Variants in GLYATL2 observed in about 807,000 individuals in gnomAD.
GLYATL2 encodes glycine N-acyltransferase-like protein 2.
In GLYATL2, 25 loss-of-function variants were observed where a neutral mutation model predicts 21.4. The ratio of observed to expected loss-of-function variants is 1.17; its 90% CI spans 0.85 to 1.63. The LOEUF (loss-of-function observed/expected upper bound fraction) is 1.63, where lower values mean the gene tolerates loss of function less well. GLYATL2 is among the 40% of genes most tolerant of loss of function. GLYATL2 has a pLI of 0.00. For missense variants in GLYATL2, 361 were observed against 343.3 expected, an observed-to-expected ratio of 1.05 and a Z score of -0.41; for synonymous variants, 114 against 118.2, an observed-to-expected ratio of 0.96 and a Z score of 0.23.
intron 1 of GLYATL2, 37 bp downstream of exon 1, chr11:58,844,396 GC>G (rs1410829228): frequency 6.6e-6 from 1 of 152,168 alleles, no homozygotes; most frequent in Non-Finnish European, 1.5e-5. Context: ...TAATTGAACT[GC>G]CAAGATAAAA....
intron 3 of GLYATL2, 63 bp downstream of exon 3, chr11:58,838,198 C>T: frequency 9.4e-7 from 1 of 1,062,206 alleles, no homozygotes; most frequent in Non-Finnish European, 1.4e-6. Flanking sequence ...TCAGTTCCCT[C>T]ATTGCCATGC....
chr11:58,834,901 A>G, intron 5 of GLYATL2, 64 bp from the exon 6 acceptor site: 4 of 1,258,564 alleles, frequency 3.2e-6, no homozygotes, highest in African/African-American at 1.5e-5. Flanking sequence ...ATTTCAAAAA[A>G]TAAATATAAC....
chr11:58,903,848 G>A (rs1024910485), intron 1 of GLYATL2, among the ~76,000 whole-genome samples: 3 of 152,130 alleles, frequency 2.0e-5, no homozygotes, highest in African/African-American at 7.2e-5. Context: ...TCACCCGCAT[G>A]TGTTGAGTGT....
chr11:58,907,359 G>A (rs1854923081), upstream of GLYATL2: 1 of 456,106 alleles, frequency 2.2e-6, no homozygotes. Flanking sequence ...ACACTGGCCT[G>A]GAATCCCTCA....
chr11:58,842,688 T>C (rs1853575502), intron 1 of GLYATL2, among the ~76,000 whole-genome samples: 1 of 152,162 alleles, frequency 6.6e-6, no homozygotes, highest in African/African-American at 2.4e-5. Context: ...CAAAAATTCA[T>C]GAAGTCTATG....
chr11:58,905,759 C>CG, upstream of GLYATL2: 2 of 341,318 alleles, frequency 5.9e-6, no homozygotes, highest in Non-Finnish European at 1.2e-5. Context: ...GGCGGGTGGG[C>CG]GCGCAGTCCC....
rs1403153093 is a variant in GLYATL2, at chr11:58,837,481, A to C, written c.187-84T>G. 4 of 1,269,744 alleles carry C rather than the reference A, an allele frequency of 3.2e-6. No homozygotes were observed. The Admixed American group carries it at 6.0e-5, about 19-fold the overall frequency. The allele number at this position is 1,269,744 out of a possible 1,614,324, so 78.7% of individuals were successfully genotyped here. ...CATAGGTCTAGAGTGCTAGAGATTC[A>C]ATTGTTTGAAATATTCTGTTTTTCT... is the stretch of plus-strand genomic sequence containing the variant. On this transcript the variant is annotated intron_variant, in intron 3 of 5. Coordinates refer to ENST00000287275, the MANE Select transcript of GLYATL2 (RefSeq NM_145016.4).
At chr11:58,837,222 C>A (rs371063171) in intron 4 of GLYATL2, 45 bp from the exon 5 acceptor site, 2 of 1,612,504 alleles carry the variant, frequency 1.2e-6, no homozygotes, top group African/African-American at 1.3e-5. Context: ...CCTTCCATAT[C>A]GGCTAGGAAT....
At chr11:58,903,871 T>G (rs1854788671) in intron 1 of GLYATL2, among the ~76,000 whole-genome samples, 1 of 152,164 alleles carries the variant, frequency 6.6e-6, no homozygotes. Context: ...ACTTCTCTCC[T>G]TATTTTTCAG....
In GLYATL2 at chr11:58,882,303, GT is replaced by G. The variant is rs749871767; in HGVS notation, n.60+21852del. On this transcript the variant is annotated intron_variant and non_coding_transcript_variant, in intron 1 of 4. Coordinates refer to the GLYATL2 transcript ENST00000533636. Reference sequence around the variant, plus strand: ...TGGTGTGAGATGGTATCTCGTTGTGGTTTTGATTAGCATTTCTCTGATGACC... The same window carrying G: ...TGGTGTGAGATGGTATCTCGTTGTGGTTTGATTAGCATTTCTCTGATGACC... Among the ~76,000 whole-genome samples, 516 of 152,288 alleles carry G rather than the reference GT, an allele frequency of 3.4e-3. 2 individuals carry two copies. Among genetic ancestry groups the G allele is most frequent in the Non-Finnish European group, 3.7e-3 (249 of 68,026 alleles).
Position 58,867,956 on chromosome 11 carries a change from C to T in GLYATL2, n.61-29588G>A, listed in dbSNP as rs560215621. ...CTTACCCCACTGCATCCCATAAGCACGGGCTGAGTTTTAGAGACACTCCAG... is the reference window on the plus strand; with the variant it reads ...CTTACCCCACTGCATCCCATAAGCATGGGCTGAGTTTTAGAGACACTCCAG... On this transcript the variant is annotated intron_variant and non_coding_transcript_variant, in intron 1 of 4. Coordinates refer to the GLYATL2 transcript ENST00000533636. Among the ~76,000 whole-genome samples the T allele has an allele frequency of 3.4e-5, 5 of 148,734 alleles. 1 individual carries two copies. The highest frequency in any genetic ancestry group is 7.5e-5 in the Non-Finnish European group (5 of 67,094).
intron 1 of GLYATL2, among the ~76,000 whole-genome samples, chr11:58,898,663 G>A (rs577625603): frequency 1.3e-5 from 2 of 151,314 alleles, no homozygotes; most frequent in South Asian, 4.2e-4. Flanking sequence ...GGGAAACCCC[G>A]CCTCTACTAA....
intron 1 of GLYATL2, among the ~76,000 whole-genome samples, chr11:58,881,661 A>C (rs1590744751): frequency 1.3e-5 from 2 of 152,266 alleles, no homozygotes; most frequent in South Asian, 4.1e-4. Context: ...ATATGTATAC[A>C]TGTGCCATGT....
At chr11:58,848,613 A>G (rs905888821), upstream of GLYATL2, among the ~76,000 whole-genome samples, 6 of 152,216 alleles carry the variant, frequency 3.9e-5, no homozygotes, top group African/African-American at 1.2e-4. Context: ...AGAAAAAAGA[A>G]TTAGTGAGCT....
Position 58,834,445 on chromosome 11 carries a change from G to A in GLYATL2, c.869C>T (p.Pro290Leu), listed in dbSNP as rs182736981. ...PCGWHQWKCT[P>L]KKYC is the part of the protein sequence containing the mutation. ...TGGAATCAATCAACAATATTTCTTG[G>A]GGGTGCATTTCCACTGATGCCAGCC... Residue 290 changes from proline to leucine, a missense_variant, in exon 6 of 6, where the codon CCC (proline) becomes CTC (leucine). Transcript: ENST00000287275. The A allele has an allele frequency of 4.0e-5, 64 of 1,590,688 alleles. No homozygotes were observed. In the East Asian group the frequency reaches 1.4e-3, roughly 35 times the overall value.
upstream of GLYATL2, among the ~76,000 whole-genome samples, chr11:58,849,493 G>C (rs1853702226): frequency 6.6e-6 from 1 of 151,814 alleles, no homozygotes; most frequent in Non-Finnish European, 1.5e-5. Flanking sequence ...AAGATTGAAC[G>C]AGGTCAAAAT....
chr11:58,865,524 G>A (rs1406543130), intron 1 of GLYATL2, among the ~76,000 whole-genome samples: 1 of 149,100 alleles, frequency 6.7e-6, no homozygotes, highest in Non-Finnish European at 1.5e-5. Flanking sequence ...ATGGAAACCA[G>A]CATTTTCCAA....
At chr11:58,873,192 C>T (rs1362495906) in intron 1 of GLYATL2, among the ~76,000 whole-genome samples, 13 of 151,280 alleles carry the variant, frequency 8.6e-5, no homozygotes, top group Admixed American at 5.3e-4. Flanking sequence ...GGGGCTGAGA[C>T]GATGGGGTTT....
intron 1 of GLYATL2, among the ~76,000 whole-genome samples, chr11:58,887,338 C>A (rs1355156163): frequency 6.6e-6 from 1 of 152,038 alleles, no homozygotes; most frequent in Non-Finnish European, 1.5e-5. Flanking sequence ...ACGTTTCTTT[C>A]AGTATTGAAA....
Sources: gnomAD v4.1 joint callset for allele counts (sites outside exome capture counted in the v4.1 genomes callset) on GRCh38, gnomAD v4.1.1 for gene constraint, MANE v1.5 for transcripts, NCBI Gene and HGNC (gene_info 2026-07-23, HGNC 2026-07-21) for gene names.